The following PARD3B variants were observed in gnomAD, a reference collection of about 807,000 sequenced individuals.
PARD3B encodes par-3 family cell polarity regulator beta, also known as partitioning defective 3 homolog B.
Under a neutral mutation model 130.2 loss-of-function variants are expected in PARD3B, and 103 were observed. The ratio of observed to expected loss-of-function variants is 0.79; its 90% CI spans 0.67 to 0.93. The LOEUF (loss-of-function observed/expected upper bound fraction) is 0.93. Ranked by LOEUF, PARD3B falls within the 40% of genes least tolerant of loss-of-function variation. PARD3B has a pLI of 0.00. For missense variants in PARD3B, 1,609 were observed against 1,499.2 expected, an observed-to-expected ratio of 1.07 and a Z score of -1.21; for synonymous variants, 583 against 553.2, an observed-to-expected ratio of 1.05 and a Z score of -0.76.
intron 2 of PARD3B, among the ~76,000 whole-genome samples, chr2:204,770,930 C>G (rs2041344684): frequency 6.6e-6 from 1 of 152,008 alleles, no homozygotes; most frequent in African/African-American, 2.4e-5. Flanking sequence ...CTCTGCTTTT[C>G]CTAACAAATA....
intron 4 of PARD3B, among the ~76,000 whole-genome samples, chr2:205,060,735 TAAATA>T (rs1210893648): frequency 6.6e-6 from 1 of 152,142 alleles, no homozygotes; most frequent in Non-Finnish European, 1.5e-5. Flanking sequence ...CTATGTGTGT[TAAATA>T]TAATTAAAGG....
intron 2 of PARD3B, among the ~76,000 whole-genome samples, chr2:204,690,370 A>G (rs1433009760): frequency 4.6e-5 from 7 of 152,182 alleles, no homozygotes; most frequent in South Asian, 2.1e-4. Flanking sequence ...GTTACATGAC[A>G]CAGCGTCTTT....
At chr2:205,042,297 G>A (rs2125399100) in intron 3 of PARD3B, among the ~76,000 whole-genome samples, 1 of 152,108 alleles carries the variant, frequency 6.6e-6, no homozygotes, top group East Asian at 1.9e-4. Context: ...AGACACTTGG[G>A]AACTGACTTC....
chr2:204,829,967 C>G (rs1385179304), intron 2 of PARD3B, among the ~76,000 whole-genome samples: 1 of 144,642 alleles, frequency 6.9e-6, no homozygotes, highest in Non-Finnish European at 1.5e-5. Context: ...CCACTGCACT[C>G]CAGCCTGGGC....
intron 3 of PARD3B, among the ~76,000 whole-genome samples, chr2:205,040,115 C>T (rs1315041645): frequency 6.6e-6 from 1 of 152,074 alleles, no homozygotes. Flanking sequence ...GAGTGCATGC[C>T]ACCATGCCCA....
intron 15 of PARD3B, among the ~76,000 whole-genome samples, chr2:205,223,507 T>G (rs2038355794): frequency 6.6e-6 from 1 of 152,176 alleles, no homozygotes; most frequent in African/African-American, 2.4e-5. Context: ...CTGTGACTGC[T>G]GCTCATGAAG....
At chr2:205,579,176 G>T (rs1454940692) in intron 22 of PARD3B, among the ~76,000 whole-genome samples, 1 of 152,120 alleles carries the variant, frequency 6.6e-6, no homozygotes, top group African/African-American at 2.4e-5. Flanking sequence ...AAAAAGAAAT[G>T]AGAACGGTTG....
chr2:205,101,940 T>C (rs570465430), intron 4 of PARD3B, among the ~76,000 whole-genome samples: 2 of 152,270 alleles, frequency 1.3e-5, no homozygotes, highest in African/African-American at 4.8e-5. Flanking sequence ...GTTCTGACAT[T>C]AGTTGATGAT....
intron 3 of PARD3B, among the ~76,000 whole-genome samples, chr2:205,037,593 CTATA>C (rs747581455): frequency 1.0e-4 from 15 of 147,072 alleles, no homozygotes; most frequent in African/African-American, 2.7e-4. Flanking sequence ...GTACAGTCGA[CTATA>C]TATATTTTAT....
At position 204,669,780 on chromosome 2, in the gene PARD3B, T is replaced by G. The variant is rs993777236; in HGVS notation, c.121-16401T>G. Among the ~76,000 whole-genome samples the G allele has an allele frequency of 2.0e-5, 3 of 151,602 alleles. No homozygotes were observed. The highest frequency in any genetic ancestry group is 2.0e-4 in the Admixed American group (3 of 15,198). ...CCGACAGAAATGGGAAGGGAAGGGG[T>G]GGAAGGTGAGGAAAAGAGTAAGGGC... On this transcript the variant is annotated intron_variant, in intron 1 of 22. Transcript: ENST00000406610. The surrounding 1 kb of genome is among the most constrained non-coding windows in gnomAD (Gnocchi z 4.3).
intron 19 of PARD3B, among the ~76,000 whole-genome samples, chr2:205,402,381 C>T (rs1466704355): frequency 6.6e-6 from 1 of 152,202 alleles, no homozygotes; most frequent in African/African-American, 2.4e-5. Context: ...GCAAAGGCAT[C>T]TATGTGGGGA....
chr2:204,813,224 T>A (rs2043026336), intron 2 of PARD3B, among the ~76,000 whole-genome samples: 1 of 152,202 alleles, frequency 6.6e-6, no homozygotes, highest in African/African-American at 2.4e-5. Context: ...ATAGTTAATC[T>A]TTTTAATTTT....
intron 19 of PARD3B, among the ~76,000 whole-genome samples, chr2:205,439,087 G>A (rs1366816720): frequency 6.6e-6 from 1 of 152,164 alleles, no homozygotes; most frequent in Admixed American, 6.5e-5. Flanking sequence ...GCGTTCTAAA[G>A]ATTTTTACAA....
chr2:205,095,507 C>G (rs1046519411), intron 4 of PARD3B, among the ~76,000 whole-genome samples: 2 of 152,092 alleles, frequency 1.3e-5, no homozygotes, highest in African/African-American at 4.8e-5. Context: ...AGTGCACCCA[C>G]TGGTGTTAGC....
intron 1 of PARD3B, among the ~76,000 whole-genome samples, chr2:204,577,315 C>T (rs992963082): frequency 1.3e-5 from 2 of 152,182 alleles, no homozygotes; most frequent in Admixed American, 1.3e-4. Context: ...TCTATTTAAT[C>T]CTCACAACAA....
intron 2 of PARD3B, among the ~76,000 whole-genome samples, chr2:204,772,846 A>G (rs2041447970): frequency 6.6e-6 from 1 of 151,806 alleles, no homozygotes; most frequent in Non-Finnish European, 1.5e-5. Context: ...ATGTTGGAAT[A>G]AGTAAATGAG....
intron 10 of PARD3B, among the ~76,000 whole-genome samples, chr2:205,135,378 GA>G (rs1179364049): frequency 2.0e-5 from 3 of 151,976 alleles, no homozygotes; most frequent in African/African-American, 7.3e-5. Context: ...AAAGATTAGG[GA>G]AAAAAATACT....
At chr2:205,517,407 GTGGGGTCAGTGCTAA>G (rs1456834887) in intron 21 of PARD3B, among the ~76,000 whole-genome samples, 2 of 152,034 alleles carry the variant, frequency 1.3e-5, no homozygotes, top group Non-Finnish European at 1.5e-5. Context: ...TTTTATTTCT[GTGGGGTCAGTGCTAA>G]TATTACCTTC....
chr2:204,838,133 G>A (rs1361521029), intron 2 of PARD3B, among the ~76,000 whole-genome samples: 2 of 152,146 alleles, frequency 1.3e-5, no homozygotes, highest in African/African-American at 4.8e-5. Context: ...TGCTGAGCAA[G>A]AGGAGGCTTT....
Sources: allele counts gnomAD v4.1 joint callset (sites outside exome capture counted in the v4.1 genomes callset), GRCh38; gene constraint gnomAD v4.1.1; non-coding constraint Gnocchi (gnomAD v3.1); transcripts MANE v1.5; gene names NCBI Gene and HGNC (gene_info 2026-07-23, HGNC 2026-07-21).